The following PAH variants were observed in gnomAD, a reference collection of about 807,000 sequenced individuals.
The protein encoded by PAH is phenylalanine-4-hydroxylase.
In PAH, 64 loss-of-function variants were observed where a neutral mutation model predicts 62.0. That is an observed-to-expected ratio of 1.03 (90% CI 0.84 to 1.27). PAH has a LOEUF of 1.27. PAH is among the 50% of genes most tolerant of loss of function. The pLI is 0.00. For synonymous variants in PAH, 195 were observed against 196.2 expected (o/e 0.99, Z 0.05); for missense variants, 579 against 542.8 (o/e 1.07, Z -0.66).
intron 1 of PAH, chr12:102,945,908 C>G (rs375851015): frequency 3.9e-5 from 6 of 152,142 alleles, no homozygotes; most frequent in African/African-American, 1.4e-4. Flanking sequence ...TATGCTGGGT[C>G]ACACCTGAAG....
upstream of PAH, among the ~76,000 whole-genome samples, chr12:102,953,025 T>C (rs1879814348): frequency 6.6e-6 from 1 of 152,168 alleles, no homozygotes; most frequent in Non-Finnish European, 1.5e-5. Context: ...TCCTTTTCAT[T>C]TTCCCTGGGT....
At chr12:102,956,643 C>G (rs1879921524) in intron 1 of PAH, among the ~76,000 whole-genome samples, 1 of 152,160 alleles carries the variant, frequency 6.6e-6, no homozygotes, top group Non-Finnish European at 1.5e-5. Flanking sequence ...CTTTCTTCTC[C>G]GAGGGTCTGG....
chr12:102,891,327 A>G (rs888160139), intron 3 of PAH, among the ~76,000 whole-genome samples: 5 of 152,026 alleles, frequency 3.3e-5, no homozygotes, highest in Non-Finnish European at 5.9e-5. Context: ...ACCCTTGCGC[A>G]TGACCCCCCA....
intron 3 of PAH, among the ~76,000 whole-genome samples, chr12:102,885,593 C>T (rs1005671181): frequency 6.6e-6 from 1 of 152,154 alleles, no homozygotes; most frequent in East Asian, 1.9e-4. Flanking sequence ...GCCCTGGACA[C>T]CCACGTAGTG....
intron 3 of PAH, among the ~76,000 whole-genome samples, chr12:102,885,872 C>T (rs866875887): frequency 1.1e-4 from 16 of 152,134 alleles, no homozygotes; most frequent in Non-Finnish European, 2.1e-4. Context: ...GCAATAAATC[C>T]TGGTTTCTTG....
chr12:102,930,932 A>G (rs1878846259), intron 1 of PAH, among the ~76,000 whole-genome samples: 1 of 152,214 alleles, frequency 6.6e-6, no homozygotes, highest in African/African-American at 2.4e-5. Context: ...TATGGTATCA[A>G]TAATAAAAAA....
upstream of PAH, chr12:102,953,718 AAAGAGAAGCCTTCTT>A (rs1565887317): frequency 6.6e-6 from 1 of 152,200 alleles, no homozygotes; most frequent in Non-Finnish European, 1.5e-5. Flanking sequence ...ATTGGAGGAG[AAAGAGAAGCCTTCTT>A]ATCTTTCTGC....
intron 1 of PAH, among the ~76,000 whole-genome samples, chr12:102,924,312 CA>C (rs1283064301): frequency 6.6e-6 from 1 of 151,958 alleles, no homozygotes; most frequent in African/African-American, 2.4e-5. Flanking sequence ...GCAGCAAAAA[CA>C]AAACAATCAC....
chr12:102,858,694 G>A (rs1273594006), intron 5 of PAH, among the ~76,000 whole-genome samples: 1 of 152,160 alleles, frequency 6.6e-6, no homozygotes, highest in Non-Finnish European at 1.5e-5. Flanking sequence ...CAACTACATG[G>A]AAACTGAAGA....
intron 11 of PAH, among the ~76,000 whole-genome samples, chr12:102,842,082 G>A (rs556978675): frequency 2.6e-5 from 4 of 152,142 alleles, no homozygotes; most frequent in Non-Finnish European, 5.9e-5. Flanking sequence ...TTGAGGCCTC[G>A]GTACTGACAG....
intron 5 of PAH, among the ~76,000 whole-genome samples, chr12:102,856,814 A>G (rs1875457478): frequency 6.6e-6 from 1 of 152,234 alleles, no homozygotes; most frequent in African/African-American, 2.4e-5. Flanking sequence ...AAGGACATCC[A>G]CACCAAAACC....
chr12:102,861,601 A>C (rs1017349187), intron 5 of PAH, among the ~76,000 whole-genome samples: 4 of 152,220 alleles, frequency 2.6e-5, no homozygotes, highest in Non-Finnish European at 5.9e-5. Flanking sequence ...TCAGTGATAG[A>C]CTGGATTAAG....
At chr12:102,885,794 G>A (rs1440536691) in intron 3 of PAH, among the ~76,000 whole-genome samples, 1 of 152,122 alleles carries the variant, frequency 6.6e-6, no homozygotes, top group Non-Finnish European at 1.5e-5. Context: ...CCCTCCACCC[G>A]ATGTTCACCA....
chr12:102,923,452 A>G (rs1658461553), intron 1 of PAH: 1 of 152,166 alleles, frequency 6.6e-6, no homozygotes, highest in African/African-American at 2.4e-5. Flanking sequence ...AATCATATTC[A>G]AGCTCTTCAT....
At chr12:102,844,527 C>A in intron 9 of PAH, 96 bp from the exon 10 acceptor site, 1 of 836,422 alleles carries the variant, frequency 1.2e-6, no homozygotes, top group Non-Finnish European at 2.0e-6. Flanking sequence ...GATAGTAAAG[C>A]ATTATTTTGG....
chr12:102,938,753 A>G (rs1879189102), intron 1 of PAH, among the ~76,000 whole-genome samples: 1 of 152,262 alleles, frequency 6.6e-6, no homozygotes, highest in African/African-American at 2.4e-5. Flanking sequence ...AAGAGCCCAA[A>G]TACTGTCTCA....
upstream of PAH, among the ~76,000 whole-genome samples, chr12:102,955,712 C>A: frequency 6.6e-6 from 1 of 152,106 alleles, no homozygotes; most frequent in East Asian, 1.9e-4. Context: ...TGTGACTCTG[C>A]TTTTGGGTGC....
rs1471262231 is a variant in PAH, at chr12:102,957,151, G to A, written c.-96+1044C>T. Among the ~76,000 whole-genome samples, 1 of 152,124 alleles carries A rather than the reference G, an allele frequency of 6.6e-6. No individual in the cohort carries two copies. The highest frequency in any genetic ancestry group is 1.5e-5 in the Non-Finnish European group (1 of 68,016). On this transcript the variant is annotated intron_variant, in intron 1 of 4. Coordinates refer to the PAH transcript ENST00000551337. This position sits in a 1 kb window ranked among gnomAD's most constrained non-coding sequence, Gnocchi z 4.1. ...AAGAGAATAACAGTGAGGAGAGAGA[G>A]AAAACAGGAAAAGTCGAGCCCCACT...
chr12:102,859,514 A>G (rs1416700087), intron 5 of PAH, among the ~76,000 whole-genome samples: 1 of 152,192 alleles, frequency 6.6e-6, no homozygotes, highest in Non-Finnish European at 1.5e-5. Flanking sequence ...TGGCAGAGAC[A>G]CAACAAAAAA....
Sources: gnomAD v4.1 joint callset for allele counts (sites outside exome capture counted in the v4.1 genomes callset) on GRCh38, gnomAD v4.1.1 for gene constraint, Gnocchi (gnomAD v3.1) non-coding constraint, MANE v1.5 for transcripts, NCBI Gene and HGNC (gene_info 2026-07-23, HGNC 2026-07-21) for gene names.